STAMBP: variants seen among roughly 807,000 people sequenced by gnomAD.
STAMBP encodes the protein STAM-binding protein.
A neutral mutation model predicts 50.7 loss-of-function variants in STAMBP; 31 were observed. The ratio of observed to expected loss-of-function variants is 0.61; its 90% CI spans 0.46 to 0.83. STAMBP has a LOEUF of 0.83. STAMBP is among the 40% of genes least tolerant of loss of function. The pLI is 0.00. For synonymous variants in STAMBP, 211 were observed against 192.4 expected (o/e 1.10, Z -0.80); for missense variants, 472 against 518.9 (o/e 0.91, Z 0.88).
In STAMBP at chr2:73,859,236, C is replaced by T; in HGVS notation, c.1006-18C>T. 1.9e-6 allele frequency: 3 copies of T among 1,603,816 alleles called. No individual in the cohort carries two copies. Among genetic ancestry groups the T allele is most frequent in the Non-Finnish European group, 2.6e-6 (3 of 1,170,600 alleles). On this transcript the variant is annotated intron_variant, in intron 7 of 9. Coordinates refer to ENST00000394070, the MANE Select transcript of STAMBP (RefSeq NM_213622.4). ...TATATCCTCGCTAAGAGTCCTCTGA[C>T]TCTTTTTCTCTCCTCAGACTCACCC...
chr2:73,831,116 G>A, intron 2 of STAMBP, 57 bp downstream of exon 2: 1 of 1,421,392 alleles, frequency 7.0e-7, no homozygotes, highest in Non-Finnish European at 9.9e-7. Flanking sequence ...CGCCTATTTG[G>A]CTCAGAATTG....
chr2:73,855,513 T>C (rs1011459270), intron 7 of STAMBP: 4 of 434,798 alleles, frequency 9.2e-6, no homozygotes, highest in African/African-American at 8.1e-5. Flanking sequence ...TCTTTCTGGC[T>C]ACCCACGTTT....
intron 7 of STAMBP, among the ~76,000 whole-genome samples, chr2:73,856,284 T>G (rs937379196): frequency 1.6e-4 from 24 of 152,236 alleles, no homozygotes; most frequent in Admixed American, 3.9e-4. Flanking sequence ...AGGACAGCCT[T>G]TGCCTATAGA....
At chr2:73,832,409 C>G (rs368334103) in intron 2 of STAMBP, among the ~76,000 whole-genome samples, 29 of 150,602 alleles carry the variant, frequency 1.9e-4, no homozygotes, top group Non-Finnish European at 3.7e-4. Flanking sequence ...GAGCCGAGAT[C>G]GTGCCACTGC....
chr2:73,832,193 G>A (rs542556223), intron 2 of STAMBP, among the ~76,000 whole-genome samples: 57 of 150,306 alleles, frequency 3.8e-4, no homozygotes, highest in African/African-American at 7.8e-4. Flanking sequence ...AGTGGCTCTC[G>A]CCTGTAATCC....
At chr2:73,840,362 T>A (rs1316304657) in intron 2 of STAMBP, among the ~76,000 whole-genome samples, 4 of 151,566 alleles carry the variant, frequency 2.6e-5, no homozygotes, top group Non-Finnish European at 5.9e-5. Flanking sequence ...CAATGCTGTA[T>A]TGAATATTTT....
chr2:73,859,706 A>AT lies in STAMBP; in HGVS notation c.1118+340_1118+341insT, dbSNP rs1323841803. Among the ~76,000 whole-genome samples the AT allele has an allele frequency of 5.8e-3, 739 of 126,988 alleles. 5 individuals carry two copies. The highest frequency in any genetic ancestry group is 0.023 in the African/African-American group (693 of 29,578). The allele number at this position is 126,988 out of a possible 152,430, so 83.3% of individuals were successfully genotyped here. A position where few individuals can be genotyped will look rare whatever the true frequency, so the allele number is the denominator to read the frequency against. The stretch of plus-strand genomic sequence containing the variant: ...ATAAAAAAATAAAAAATAAAAAATA[A>AT]AAAAATATAATAAAAAAATAAAAAT... On this transcript the variant is annotated intron_variant, in intron 8 of 9. Coordinates refer to ENST00000394070, the MANE Select transcript of STAMBP (RefSeq NM_213622.4).
At chr2:73,872,936 A>C (rs1315757854) in intron 10 of STAMBP, among the ~76,000 whole-genome samples, 1 of 152,244 alleles carries the variant, frequency 6.6e-6, no homozygotes, top group African/African-American at 2.4e-5. Flanking sequence ...GGGCCGTAGG[A>C]TGTATGATGT....
chr2:73,853,052 C>T (rs754197173), intron 7 of STAMBP, among the ~76,000 whole-genome samples: 3 of 151,812 alleles, frequency 2.0e-5, no homozygotes, highest in Admixed American at 6.6e-5. Flanking sequence ...CCACCGCACC[C>T]GGCCAAGGAA....
At chr2:73,869,605 G>T (rs1163542541), downstream of STAMBP, among the ~76,000 whole-genome samples, 1 of 152,090 alleles carries the variant, frequency 6.6e-6, no homozygotes, top group East Asian at 1.9e-4. Flanking sequence ...ACCAGATAAT[G>T]CTTATTATAA....
intron 2 of STAMBP, among the ~76,000 whole-genome samples, chr2:73,835,231 A>G (rs1041471679): frequency 3.9e-5 from 6 of 151,998 alleles, no homozygotes. Context: ...GCCCACGTCT[A>G]CAATCCCAGC....
At chr2:73,852,484 G>A (rs10173923) in intron 7 of STAMBP, among the ~76,000 whole-genome samples, 5,289 of 152,238 alleles carry the variant, frequency 0.035, 304 homozygotes, top group African/African-American at 0.12. Context: ...AGGGCTCTGG[G>A]AATCCACTAT....
Position 73,830,842 on chromosome 2 carries a change from C to T in STAMBP, c.-12-3C>T, listed in dbSNP as rs529901819. On this transcript the variant is annotated splice_region_variant and splice_polypyrimidine_tract_variant and intron_variant, in intron 1 of 9. Transcript: ENST00000394070. ...TTGATGCCATCTGTTTTTTCTGTCT[C>T]AGAACTTGGTCCTGATGTCTGACCA... The T allele has an allele frequency of 6.2e-7, 1 of 1,611,118 alleles. No individual in the cohort carries two copies. The highest frequency in any genetic ancestry group is 1.1e-5 in the South Asian group (1 of 90,782).
intron 2 of STAMBP, among the ~76,000 whole-genome samples, chr2:73,831,332 CAT>C (rs1673895546): frequency 6.6e-6 from 1 of 152,196 alleles, no homozygotes; most frequent in South Asian, 2.1e-4. Flanking sequence ...TTAAACTAGA[CAT>C]ATTATGTTCT....
chr2:73,860,305 G>C (rs1469428969), intron 9 of STAMBP, among the ~76,000 whole-genome samples, 154 bp downstream of exon 9: 1 of 152,208 alleles, frequency 6.6e-6, no homozygotes, highest in East Asian at 1.9e-4. Context: ...ATGAGAAGCA[G>C]TGTGGGACAG....
At chr2:73,859,639 AAG>A (rs1381501977) in intron 8 of STAMBP, among the ~76,000 whole-genome samples, 1 of 151,942 alleles carries the variant, frequency 6.6e-6, no homozygotes, top group Non-Finnish European at 1.5e-5. Context: ...TAGGAATGTC[AAG>A]AGTTTTATGT....
intron 2 of STAMBP, among the ~76,000 whole-genome samples, chr2:73,836,718 A>G (rs988209436): frequency 5.3e-5 from 8 of 152,156 alleles, no homozygotes; most frequent in Admixed American, 6.5e-5. Context: ...TGGGGCTCAG[A>G]GGGTGGCCTC....
chr2:73,857,988 TTTC>T (rs2104657407), intron 7 of STAMBP, among the ~76,000 whole-genome samples: 1 of 152,056 alleles, frequency 6.6e-6, no homozygotes, highest in East Asian at 1.9e-4. Flanking sequence ...CTTATTTCTT[TTTC>T]TTTTTTTTTG....
intron 5 of STAMBP, among the ~76,000 whole-genome samples, chr2:73,848,082 C>G (rs781531090): frequency 1.3e-5 from 2 of 152,170 alleles, no homozygotes; most frequent in African/African-American, 4.8e-5. Context: ...GACTCTGTGT[C>G]CCCTGCTCTG....
Sources: allele counts gnomAD v4.1 joint callset (sites outside exome capture counted in the v4.1 genomes callset), GRCh38; gene constraint gnomAD v4.1.1; transcripts MANE v1.5; gene names NCBI Gene and HGNC (gene_info 2026-07-23, HGNC 2026-07-21).